The following UTRN variants were observed in gnomAD, a reference collection of about 807,000 sequenced individuals.
UTRN encodes utrophin.
In UTRN, 283 loss-of-function variants were observed where a neutral mutation model predicts 463.9. The observed-to-expected ratio is 0.61, with a 90% CI of 0.55 to 0.67. The LOEUF is 0.67. UTRN is among the 30% of genes least tolerant of loss of function. The probability of loss-of-function intolerance (pLI) is 0.00; values close to 1 mark genes in which losing one functional copy is unlikely to be tolerated. For synonymous variants in UTRN, 1,442 were observed against 1,431.5 expected (o/e 1.01, Z -0.17); for missense variants, 3,922 against 4,084.3 (o/e 0.96, Z 1.08).
At position 144,461,982 on chromosome 6, in the gene UTRN, G is replaced by A. The variant is rs192792785; in HGVS notation, c.2853+640G>A. Reference sequence around the variant, plus strand: ...GTGCAGGTTTGTTAAATGGGTAAACGTGTGTCATGGTAGTTTGCTGCACTA... The same window carrying A: ...GTGCAGGTTTGTTAAATGGGTAAACATGTGTCATGGTAGTTTGCTGCACTA... On this transcript the variant is annotated intron_variant, in intron 22 of 74. Transcript: ENST00000367545. Among the ~76,000 whole-genome samples, 14 of 152,078 alleles carry A rather than the reference G, an allele frequency of 9.2e-5. No individual in the cohort carries two copies. The South Asian group carries it at 1.2e-3, about 14-fold the overall frequency.
intron 51 of UTRN, among the ~76,000 whole-genome samples, chr6:144,607,674 T>C (rs1805010229): frequency 6.6e-6 from 1 of 152,152 alleles, no homozygotes; most frequent in Admixed American, 6.6e-5. Context: ...AGATGGACAC[T>C]CATCATCATG....
rs1795969163 is a variant in UTRN, at chr6:144,520,192, CT to C, written c.5542-1785del. 6.6e-5 allele frequency among the ~76,000 whole-genome samples: 10 copies of C among 152,306 alleles called. No homozygotes were observed. In the South Asian group the frequency reaches 2.1e-3, roughly 32 times the overall value. ...GACATGATTACTCAACCTAGAAATA[CT>C]TTCATTGGGCTATTTTCTTTTCCTT... On this transcript the variant is annotated intron_variant, in intron 39 of 74. Coordinates refer to ENST00000367545, the MANE Select transcript of UTRN (RefSeq NM_007124.3).
intron 2 of UTRN, among the ~76,000 whole-genome samples, chr6:144,364,462 C>T (rs1779342153): frequency 6.7e-6 from 1 of 149,866 alleles, no homozygotes; most frequent in Non-Finnish European, 1.5e-5. Flanking sequence ...TGCTAATGTA[C>T]TTATAGCCAG....
chr6:144,820,793 G>A, intron 65 of UTRN, 89 bp from the exon 66 acceptor site: 1 of 1,458,424 alleles, frequency 6.9e-7, no homozygotes, highest in Non-Finnish European at 9.2e-7. Context: ...ACATTTAATT[G>A]CATCAATTTA....
At chr6:144,801,415 G>C (rs1188891709) in intron 64 of UTRN, among the ~76,000 whole-genome samples, 1 of 152,000 alleles carries the variant, frequency 6.6e-6, no homozygotes, top group Non-Finnish European at 1.5e-5. Context: ...TTTCTCTGTG[G>C]CTTCAGAGAA....
chr6:144,762,894 A>G (rs1351316343), intron 58 of UTRN, among the ~76,000 whole-genome samples: 1 of 152,234 alleles, frequency 6.6e-6, no homozygotes, highest in Non-Finnish European at 1.5e-5. Flanking sequence ...GTTAGGAAAT[A>G]AGATTTTCCT....
At chr6:144,424,771 T>C (rs1785150970) in intron 6 of UTRN, among the ~76,000 whole-genome samples, 1 of 152,188 alleles carries the variant, frequency 6.6e-6, no homozygotes, top group South Asian at 2.1e-4. Context: ...TATATTTCAT[T>C]TGTACTCTCT....
At chr6:144,498,583 A>G (rs1793878741) in intron 33 of UTRN, among the ~76,000 whole-genome samples, 1 of 152,138 alleles carries the variant, frequency 6.6e-6, no homozygotes, top group African/African-American at 2.4e-5. Context: ...GTTCAAAATT[A>G]TAATAGATAC....
intron 74 of UTRN, among the ~76,000 whole-genome samples, chr6:144,848,514 G>A (rs570477693): frequency 6.6e-6 from 1 of 152,302 alleles, no homozygotes; most frequent in African/African-American, 2.4e-5. Context: ...CAGAAATAAA[G>A]ATGGGAGGAT....
intron 69 of UTRN, among the ~76,000 whole-genome samples, chr6:144,835,376 C>CT (rs1293445596): frequency 6.6e-6 from 1 of 151,416 alleles, no homozygotes; most frequent in East Asian, 1.9e-4. Context: ...TTCAAAGTTA[C>CT]TTTCAACGAA....
chr6:144,601,258 T>G (rs1804219058), intron 51 of UTRN, among the ~76,000 whole-genome samples: 2 of 152,196 alleles, frequency 1.3e-5, no homozygotes, highest in African/African-American at 4.8e-5. Context: ...AAGCTATAGC[T>G]GCTAAAGATA....
At chr6:144,663,072 G>A (rs1174979112) in intron 51 of UTRN, among the ~76,000 whole-genome samples, 4 of 152,062 alleles carry the variant, frequency 2.6e-5, no homozygotes, top group African/African-American at 7.2e-5. Flanking sequence ...AACCAGAAAG[G>A]GCAAGGCTAG....
At chr6:144,701,318 G>GT (rs749243003) in intron 53 of UTRN, among the ~76,000 whole-genome samples, 1 of 143,828 alleles carries the variant, frequency 7.0e-6, no homozygotes, top group Non-Finnish European at 1.5e-5. Context: ...AGGACTTGTA[G>GT]TAAAAAAAAA....
chr6:144,358,276 A>C (rs1040944877), intron 2 of UTRN, among the ~76,000 whole-genome samples: 1 of 152,236 alleles, frequency 6.6e-6, no homozygotes, highest in Non-Finnish European at 1.5e-5. Context: ...ACTATGTGAC[A>C]GTCTAAATTA....
intron 2 of UTRN, among the ~76,000 whole-genome samples, chr6:144,390,169 A>C (rs1781780550): frequency 6.6e-6 from 1 of 152,156 alleles, no homozygotes; most frequent in Non-Finnish European, 1.5e-5. Context: ...AGAGCCATAG[A>C]GTCTAATTGA....
chr6:144,508,853 A>G (rs1185276203), intron 34 of UTRN, among the ~76,000 whole-genome samples: 2 of 152,106 alleles, frequency 1.3e-5, no homozygotes, highest in African/African-American at 4.8e-5. Context: ...CCTTGTCCCC[A>G]TGGATTTGAC....
At chr6:144,582,409 C>T (rs541624947) in intron 51 of UTRN, among the ~76,000 whole-genome samples, 2 of 152,170 alleles carry the variant, frequency 1.3e-5, no homozygotes, top group East Asian at 3.9e-4. Context: ...TAGTACTTTA[C>T]CCCAGTTGAT....
chr6:144,773,645 T>A (rs1308060906), intron 59 of UTRN, among the ~76,000 whole-genome samples: 2 of 152,236 alleles, frequency 1.3e-5, no homozygotes, highest in African/African-American at 4.8e-5. Context: ...GAGTGAGGAA[T>A]GGATGACTGC....
At chr6:144,421,158 C>A (rs1052800450) in intron 3 of UTRN, among the ~76,000 whole-genome samples, 1 of 152,086 alleles carries the variant, frequency 6.6e-6, no homozygotes, top group Non-Finnish European at 1.5e-5. Flanking sequence ...AGGTGCCTAC[C>A]GCCATGCCCG....
Sources: allele counts gnomAD v4.1 joint callset (sites outside exome capture counted in the v4.1 genomes callset), GRCh38; gene constraint gnomAD v4.1.1; transcripts MANE v1.5; gene names NCBI Gene and HGNC (gene_info 2026-07-23, HGNC 2026-07-21).